GABRB1: variants seen among roughly 807,000 people sequenced by gnomAD.
GABRB1 encodes the protein gamma-aminobutyric acid type A receptor subunit beta1.
In GABRB1, 17 loss-of-function variants were observed where a neutral mutation model predicts 51.6. The observed-to-expected ratio is 0.33, with a 90% CI of 0.23 to 0.49. The LOEUF is 0.49. Among genes scored for constraint, GABRB1 ranks in the 20% least tolerant of loss-of-function variants. The probability of loss-of-function intolerance (pLI) is 0.99; values close to 1 mark genes in which losing one functional copy is unlikely to be tolerated. For missense variants in GABRB1, 410 were observed against 600.6 expected, an observed-to-expected ratio of 0.68 and a Z score of 3.32; for synonymous variants, 247 against 218.9, an observed-to-expected ratio of 1.13 and a Z score of -1.14.
rs150039701 is a variant in GABRB1, at chr4:47,172,790, C to T, written c.461+11321C>T. The stretch of plus-strand genomic sequence containing the variant: ...CCATGTAGCTGGGATTACAGGCATG[C>T]GCCACCATGCTCAGCTAATTTTTGT... On this transcript the variant is annotated intron_variant, in intron 4 of 8. Transcript: ENST00000295454. Among the ~76,000 whole-genome samples, 196 of 151,890 alleles carry T rather than the reference C, an allele frequency of 1.3e-3. 3 individuals are homozygous for T. The East Asian group carries it at 0.018, about 14-fold the overall frequency.
chr4:47,280,935 G>A (rs891527356), intron 4 of GABRB1, among the ~76,000 whole-genome samples: 15 of 151,286 alleles, frequency 9.9e-5, no homozygotes, highest in African/African-American at 3.7e-4. Context: ...TTACAGGCAT[G>A]AGCCACTGTG....
chr4:47,034,365 G>T (rs562445381), intron 3 of GABRB1, among the ~76,000 whole-genome samples: 7 of 152,012 alleles, frequency 4.6e-5, no homozygotes, highest in African/African-American at 1.7e-4. Flanking sequence ...TCATACATAA[G>T]CTCAGAACAA....
rs544004318 is a variant in GABRB1 at position 47,224,515 on chromosome 4, TTGCTAA to T, written c.461+63047_461+63052del. On this transcript the variant is annotated intron_variant, in intron 4 of 8. Coordinates refer to ENST00000295454, the MANE Select transcript of GABRB1 (RefSeq NM_000812.4). ...GGAGAAATCACAGGTAGAAGGATTCTTGCTAAACTGGCCTAACATGATTCTCCCTTT... is the reference window on the plus strand; with the variant it reads ...GGAGAAATCACAGGTAGAAGGATTCTACTGGCCTAACATGATTCTCCCTTT... 7.9e-3 allele frequency among the ~76,000 whole-genome samples: 1,209 copies of T among 152,206 alleles called. 12 individuals are homozygous for T. Among genetic ancestry groups the T allele is most frequent in the African/African-American group, 0.028 (1,147 of 41,542 alleles).
At chr4:47,361,250 T>A (rs1726795334) in intron 5 of GABRB1, among the ~76,000 whole-genome samples, 1 of 152,070 alleles carries the variant, frequency 6.6e-6, no homozygotes, top group Admixed American at 6.6e-5. Flanking sequence ...CAACAAAAAA[T>A]TTCTTCTGGG....
chr4:47,414,890 G>T (rs1332511285), intron 8 of GABRB1, among the ~76,000 whole-genome samples: 1 of 152,096 alleles, frequency 6.6e-6, no homozygotes, highest in Non-Finnish European at 1.5e-5. Context: ...GTCAGCCTTT[G>T]AGCCTGGGCC....
chr4:47,403,739 C>T (rs1489596688), intron 7 of GABRB1, 28 bp downstream of exon 7: 1 of 1,597,104 alleles, frequency 6.3e-7, no homozygotes, highest in African/African-American at 1.3e-5. Flanking sequence ...CTGCAGAGAG[C>T]TAACAGATTT....
chr4:47,170,190 AT>A (rs1004439555), intron 4 of GABRB1, among the ~76,000 whole-genome samples: 2 of 152,038 alleles, frequency 1.3e-5, no homozygotes, highest in Non-Finnish European at 2.9e-5. Context: ...TTTCGAATCA[AT>A]TTTTTTATAT....
intron 4 of GABRB1, among the ~76,000 whole-genome samples, chr4:47,227,141 T>C (rs994802631): frequency 2.0e-5 from 3 of 152,148 alleles, no homozygotes; most frequent in Non-Finnish European, 4.4e-5. Context: ...CTCTGTAATT[T>C]CTCGATCCAG....
In GABRB1 at chr4:47,031,990, C is replaced by A; in HGVS notation, c.157C>A (p.Arg53=). ...RLLKGYDIRL[R]PDFGGPPVDV... is the part of the protein sequence containing the mutation. ...GCTCAAAGGATATGACATTCGCTTG[C>A]GGCCGGACTTCGGAGGTAACGCTTC... Residue 53 remains arginine (R), a synonymous_variant, in exon 2 of 9, where the codon CGG becomes AGG. Transcript: ENST00000295454. The A allele has an allele frequency of 1.2e-6, 2 of 1,611,268 alleles. No homozygotes were observed. The highest frequency in any genetic ancestry group is 1.7e-6 in the Non-Finnish European group (2 of 1,179,442).
intron 4 of GABRB1, among the ~76,000 whole-genome samples, chr4:47,269,153 A>T (rs1315266806): frequency 6.6e-6 from 1 of 152,170 alleles, no homozygotes; most frequent in Non-Finnish European, 1.5e-5. Context: ...CATTTGCATC[A>T]GTCAATTTGT....
At chr4:47,273,052 G>C (rs1722936235) in intron 4 of GABRB1, among the ~76,000 whole-genome samples, 1 of 152,038 alleles carries the variant, frequency 6.6e-6, no homozygotes, top group African/African-American at 2.4e-5. Context: ...CCATAATTTA[G>C]ATTACCTACC....
At chr4:47,283,855 T>G (rs1326672383) in intron 4 of GABRB1, among the ~76,000 whole-genome samples, 1 of 152,114 alleles carries the variant, frequency 6.6e-6, no homozygotes. Flanking sequence ...TCTCTTAGAC[T>G]GTTGTACCAT....
intron 3 of GABRB1, among the ~76,000 whole-genome samples, chr4:47,118,652 A>G (rs1198267612): frequency 1.3e-5 from 2 of 152,174 alleles, no homozygotes; most frequent in Non-Finnish European, 2.9e-5. Context: ...TATTAATCAT[A>G]TGGGATGATT....
At chr4:47,059,941 AAT>A (rs1480229821) in intron 3 of GABRB1, among the ~76,000 whole-genome samples, 1 of 152,232 alleles carries the variant, frequency 6.6e-6, no homozygotes, top group Non-Finnish European at 1.5e-5. Flanking sequence ...TTACAGTCCA[AAT>A]CATCATTGCC....
In GABRB1 at chr4:47,244,049, A is replaced by G. The variant is rs1032992896; in HGVS notation, c.462-76078A>G. 3.7e-4 allele frequency among the ~76,000 whole-genome samples: 56 copies of G among 152,236 alleles called. 1 individual carries two copies. The highest frequency in any genetic ancestry group is 1.3e-3 in the African/African-American group (53 of 41,548). On this transcript the variant is annotated intron_variant, in intron 4 of 8. Transcript: ENST00000295454. ...CATAAATAGCTCTTATTATTTTGAG[A>G]TATGTCCCATCAATACCTAGTTTAT...
intron 4 of GABRB1, among the ~76,000 whole-genome samples, chr4:47,314,341 C>A (rs1724809144): frequency 6.6e-6 from 1 of 152,004 alleles, no homozygotes; most frequent in Non-Finnish European, 1.5e-5. Flanking sequence ...ACACATGAGA[C>A]ATTAACTAGT....
intron 3 of GABRB1, among the ~76,000 whole-genome samples, chr4:47,104,081 A>C (rs535891450): frequency 3.3e-5 from 5 of 151,968 alleles, no homozygotes; most frequent in African/African-American, 1.2e-4. Flanking sequence ...TTAGTGCAAG[A>C]GTAGTGGTAA....
intron 4 of GABRB1, among the ~76,000 whole-genome samples, chr4:47,268,282 T>C (rs1231038961): frequency 6.6e-6 from 1 of 152,348 alleles, no homozygotes; most frequent in East Asian, 1.9e-4. Context: ...CTGGATTTAA[T>C]TGAATTGTTA....
intron 4 of GABRB1, among the ~76,000 whole-genome samples, chr4:47,219,537 G>A (rs143149747): frequency 5.3e-5 from 8 of 151,948 alleles, no homozygotes; most frequent in African/African-American, 1.7e-4. Context: ...GGCCATTGTA[G>A]AATCTTTTGG....
Sources: allele counts gnomAD v4.1 joint callset (sites outside exome capture counted in the v4.1 genomes callset), GRCh38; gene constraint gnomAD v4.1.1; transcripts MANE v1.5; gene names NCBI Gene and HGNC (gene_info 2026-07-23, HGNC 2026-07-21).